ACSL6: variants seen among roughly 807,000 people sequenced by gnomAD.
The protein encoded by ACSL6 is acyl-CoA synthetase long chain family member 6.
In ACSL6, 47 loss-of-function variants were observed where a neutral mutation model predicts 98.2. The ratio of observed to expected loss-of-function variants is 0.48; its 90% CI spans 0.38 to 0.61. ACSL6 has a LOEUF of 0.61. Among genes scored for constraint, ACSL6 ranks in the 20% least tolerant of loss-of-function variants. ACSL6 has a pLI of 0.00. For synonymous variants in ACSL6, 362 were observed against 336.9 expected (o/e 1.07, Z -0.82); for missense variants, 761 against 913.4 (o/e 0.83, Z 2.15).
rs1753415039 is a variant in ACSL6, at chr5:131,973,271, C to T, written c.1198G>A (p.Asp400Asn). 4.3e-6 allele frequency: 7 copies of T among 1,613,974 alleles called. No individual in the cohort carries two copies. The highest frequency in any genetic ancestry group is 2.2e-5 in the East Asian group (1 of 44,880). ...VVPRLLNRMY[D>N]KIFSQANTPL... ...AGACTCCCTGCAGAACTTACCTTGT[C>T]GTACATCCGGTTCAGCAGTCGTGGG... The change falls in exon 12 of 21, where the codon GAC becomes AAC. Residue 400 changes from aspartate (D) to asparagine (N), a missense_variant. Physicochemically the swap from Asp to Asn is conservative, Grantham distance 23. Coordinates refer to ENST00000651883, the MANE Select transcript of ACSL6 (RefSeq NM_001009185.3).
At chr5:131,980,096 A>T (rs1181348826) in intron 9 of ACSL6, among the ~76,000 whole-genome samples, 1 of 152,136 alleles carries the variant, frequency 6.6e-6, no homozygotes, top group Non-Finnish European at 1.5e-5. Context: ...CAGGGGTGGA[A>T]GTGGGTTTGG....
chr5:132,011,414 G>A lies in ACSL6; in HGVS notation c.49+91C>T. On this transcript the variant is annotated intron_variant, in intron 1 of 20. Coordinates refer to ENST00000651883, the MANE Select transcript of ACSL6 (RefSeq NM_001009185.3). The surrounding 1 kb of genome is among the most constrained non-coding windows in gnomAD (Gnocchi z 5.4). ...CAGCAGCAGGGGATGGGGGCTCGGC[G>A]GCCGCGGAGATGTAACACCTCCACC... 1.4e-6 allele frequency: 2 copies of A among 1,389,098 alleles called. No individual in the cohort carries two copies. The highest frequency in any genetic ancestry group is 1.0e-6 in the Non-Finnish European group (1 of 985,182). The allele number at this position is 1,389,098 out of a possible 1,614,324, so 86.0% of individuals were successfully genotyped here.
chr5:131,988,928 G>A lies in ACSL6; in HGVS notation c.553-24C>T, dbSNP rs78563876. 9.7e-4 allele frequency: 1,557 copies of A among 1,597,444 alleles called. 36 individuals are homozygous for A. In the East Asian group the frequency reaches 0.032, roughly 33 times the overall value. Reference sequence around the variant, plus strand: ...CACTGTGGAGACACATGAGGCGGGGGTGGGGAAGAAGGGGAGATTAGAGGG... The same window carrying A: ...CACTGTGGAGACACATGAGGCGGGGATGGGGAAGAAGGGGAGATTAGAGGG... On this transcript the variant is annotated intron_variant, in intron 5 of 20. Transcript: ENST00000651883.
chr5:131,997,949 G>A (rs1220250132), intron 1 of ACSL6, among the ~76,000 whole-genome samples: 2 of 152,236 alleles, frequency 1.3e-5, no homozygotes, highest in African/African-American at 2.4e-5. Flanking sequence ...GGTCCCCTGA[G>A]GACATGGGCC....
At chr5:131,983,277 C>G (rs1165836624) in intron 9 of ACSL6, 1 of 152,190 alleles carries the variant, frequency 6.6e-6, no homozygotes, top group Non-Finnish European at 1.5e-5. Context: ...TCAGCCATCA[C>G]TGGGTACAGA....
intron 14 of ACSL6, among the ~76,000 whole-genome samples, chr5:131,971,153 T>C (rs959320327): frequency 9.2e-5 from 14 of 152,202 alleles, no homozygotes; most frequent in Admixed American, 7.2e-4. Flanking sequence ...ATAGATCAAA[T>C]AACACATAAA....
intron 1 of ACSL6, among the ~76,000 whole-genome samples, chr5:131,996,279 A>G (rs1754788306): frequency 6.6e-6 from 1 of 152,256 alleles, no homozygotes; most frequent in South Asian, 2.1e-4. Flanking sequence ...GCCAAGTTAT[A>G]GACCACAGTA....
In ACSL6 at chr5:131,994,013, GTC is replaced by G; in HGVS notation, c.270+16_270+17del. On this transcript the variant is annotated intron_variant, in intron 2 of 20. Transcript: ENST00000651883. Reference sequence around the variant, plus strand: ...TGCCCCCTACTTTCCGCAGTGGAACGTCTCCTATCCTGCTCACCTCTACTTCT... The same window carrying G: ...TGCCCCCTACTTTCCGCAGTGGAACGTCCTATCCTGCTCACCTCTACTTCT... The G allele has an allele frequency of 6.2e-7, 1 of 1,609,012 alleles. No homozygotes were observed.
chr5:131,980,483 G>A (rs1753833170), intron 9 of ACSL6, among the ~76,000 whole-genome samples: 1 of 152,162 alleles, frequency 6.6e-6, no homozygotes, highest in South Asian at 2.1e-4. Context: ...ATAGGTCATG[G>A]TGAACATTTT....
intron 2 of ACSL6, 103 bp from the exon 3 acceptor site, chr5:131,991,070 C>T (rs755352972): frequency 8.6e-6 from 8 of 932,988 alleles, no homozygotes; most frequent in East Asian, 5.0e-5. Flanking sequence ...ATGTACAACC[C>T]GTGCATGCAG....
At chr5:131,967,804 A>T (rs969887324) in intron 16 of ACSL6, 136 bp downstream of exon 16, 9 of 702,688 alleles carry the variant, frequency 1.3e-5, no homozygotes, top group Admixed American at 1.2e-4. Context: ...TGCTGAGTTG[A>T]GCTGAGTCAA....
intron 19 of ACSL6, 28 bp from the exon 20 acceptor site, chr5:131,959,635 C>A (rs1198212171): frequency 6.2e-7 from 1 of 1,604,168 alleles, no homozygotes; most frequent in Non-Finnish European, 8.5e-7. Flanking sequence ...AGAAAAATTA[C>A]AAGACAAGAA....
intron 11 of ACSL6, chr5:131,973,937 CTTA>C (rs978221752): frequency 6.6e-6 from 1 of 152,568 alleles, no homozygotes; most frequent in Non-Finnish European, 1.5e-5. Context: ...CACCAGGGGC[CTTA>C]TATATGCTCC....
chr5:131,956,833 A>G (rs1752434392), intron 20 of ACSL6, among the ~76,000 whole-genome samples: 1 of 152,148 alleles, frequency 6.6e-6, no homozygotes, highest in Non-Finnish European at 1.5e-5. Flanking sequence ...TATGCCACAC[A>G]CTTCATGAAA....
chr5:131,993,297 A>G (rs1227903424), intron 2 of ACSL6: 1 of 152,438 alleles, frequency 6.6e-6, no homozygotes, highest in Non-Finnish European at 1.5e-5. Context: ...TATGAGTGAA[A>G]GCGTGGTGAG....
chr5:132,007,043 A>G (rs1490296962), intron 1 of ACSL6: 1 of 152,062 alleles, frequency 6.6e-6, no homozygotes, highest in African/African-American at 2.4e-5. Flanking sequence ...GGAATTCTTT[A>G]GTTTATGCAA....
At chr5:131,989,023 T>C in intron 5 of ACSL6, 119 bp from the exon 6 acceptor site, 1 of 844,888 alleles carries the variant, frequency 1.2e-6, no homozygotes, top group Non-Finnish European at 1.9e-6. Flanking sequence ...AAGGAATCCA[T>C]GAGGTTAATG....
At position 131,953,890 on chromosome 5, in the gene ACSL6, A is replaced by G. The variant is rs988621886; in HGVS notation, c.*344T>C. 9.0e-5 allele frequency: 19 copies of G among 211,840 alleles called. No individual in the cohort carries two copies. Among genetic ancestry groups the G allele is most frequent in the South Asian group, 1.9e-4 (1 of 5,400 alleles). 13.1% of individuals were successfully genotyped at this position (211,840 alleles called of 1,614,324 possible). On this transcript the variant is annotated 3_prime_UTR_variant, in exon 21 of 21. Coordinates refer to ENST00000651883, the MANE Select transcript of ACSL6 (RefSeq NM_001009185.3). The stretch of plus-strand genomic sequence containing the variant: ...GTTACTGATTCACAAATAATTAAGT[A>G]GAATATATCACTTATGTTTTTCCTT...
chr5:131,991,904 T>C (rs1754542966), intron 2 of ACSL6, among the ~76,000 whole-genome samples: 1 of 152,228 alleles, frequency 6.6e-6, no homozygotes, highest in Admixed American at 6.5e-5. Flanking sequence ...TGGAAAGTTC[T>C]GATTGGCCAG....
Sources: allele counts gnomAD v4.1 joint callset (sites outside exome capture counted in the v4.1 genomes callset), GRCh38; gene constraint gnomAD v4.1.1; non-coding constraint Gnocchi (gnomAD v3.1); transcripts MANE v1.5; gene names NCBI Gene and HGNC (gene_info 2026-07-23, HGNC 2026-07-21).